Variants in CPLANE1 observed in about 807,000 individuals in gnomAD.
CPLANE1 encodes the protein ciliogenesis and planar polarity effector complex subunit 1.
CPLANE1 carries 263 observed loss-of-function variants against 362.5 expected under a neutral mutation model. That is an observed-to-expected ratio of 0.73 (90% CI 0.66 to 0.80). The LOEUF (loss-of-function observed/expected upper bound fraction) is 0.80, where lower values mean the gene tolerates loss of function less well. CPLANE1 is among the 30% of genes least tolerant of loss of function. CPLANE1 has a pLI of 0.00. For synonymous variants in CPLANE1, 1,212 were observed against 1,302.6 expected (o/e 0.93, Z 1.50); for missense variants, 3,461 against 3,793.4 (o/e 0.91, Z 2.30).
intron 12 of CPLANE1, 88 bp from the exon 13 acceptor site, chr5:37,224,828 TG>T: frequency 2.5e-6 from 2 of 785,712 alleles, no homozygotes; most frequent in Non-Finnish European, 4.1e-6. Flanking sequence ...TTTTTTTGCC[TG>T]TATTCTTCAT....
At position 37,195,864 on chromosome 5, in the gene CPLANE1, C is replaced by G. The variant is rs775914551; in HGVS notation, c.3805G>C (p.Ala1269Pro). 1.9e-6 allele frequency: 3 copies of G among 1,608,996 alleles called. No homozygotes were observed. Among genetic ancestry groups the G allele is most frequent in the Non-Finnish European group, 2.5e-6 (3 of 1,178,478 alleles). ...DHKLDEVSIRAIGCFRELCAL... is the reference protein window; with the variant it reads ...DHKLDEVSIRPIGCFRELCAL... ...CAGTTCATTTTGGACAAACCTATTGCTCTAATGGAAACTTCATCAAGCTTG... is the reference window on the plus strand; with the variant it reads ...CAGTTCATTTTGGACAAACCTATTGGTCTAATGGAAACTTCATCAAGCTTG... Residue 1269 changes from alanine to proline, a missense_variant, in exon 21 of 53, where the codon GCA becomes CCA. Physicochemically the swap from Ala to Pro is conservative, Grantham distance 27. Around this residue, in one of 2 missense-constraint regions of CPLANE1, gnomAD observed 3,380 missense variants for 3,666.1 expected, o/e 0.92. Coordinates refer to ENST00000651892, the MANE Select transcript of CPLANE1 (RefSeq NM_001384732.1).
chr5:37,183,719 T>C lies in CPLANE1; in HGVS notation c.4482-20A>G. The C allele has an allele frequency of 1.4e-6, 2 of 1,479,724 alleles. No homozygotes were observed. The highest frequency in any genetic ancestry group is 1.8e-6 in the Non-Finnish European group (2 of 1,098,986). The allele number at this position is 1,479,724 out of a possible 1,614,324, so 91.7% of individuals were successfully genotyped here. On this transcript the variant is annotated intron_variant, in intron 25 of 52. Coordinates refer to ENST00000651892, the MANE Select transcript of CPLANE1 (RefSeq NM_001384732.1). ...GCATTTCTATAGCAAAAAAATAAAATAAGACAAAATTAGAGATCATTTAAT... is the reference window on the plus strand; with the variant it reads ...GCATTTCTATAGCAAAAAAATAAAACAAGACAAAATTAGAGATCATTTAAT...
At chr5:37,129,396 T>C (rs6897283) in intron 46 of CPLANE1, among the ~76,000 whole-genome samples, 27,947 of 151,964 alleles carry the variant, frequency 0.18, 3,518 homozygotes, top group African/African-American at 0.35. Flanking sequence ...AAAACAATGA[T>C]AAATAGGTGG....
chr5:37,085,958 G>A, the CPLANE1 span: 1 of 608,916 alleles, frequency 1.6e-6, no homozygotes, highest in South Asian at 2.1e-5. Context: ...GGACAAAGAG[G>A]GACATTATAT....
rs574092135 is a variant in CPLANE1, at chr5:37,209,405, G to A, written c.2921-2980C>T. On this transcript the variant is annotated intron_variant, in intron 16 of 52. Coordinates refer to ENST00000651892, the MANE Select transcript of CPLANE1 (RefSeq NM_001384732.1). This position sits in a 1 kb window ranked among gnomAD's most constrained non-coding sequence, Gnocchi z 4.6. The stretch of plus-strand genomic sequence containing the variant: ...ACATGCTCCCCGTGGCTGATGTGTT[G>A]AGTCAAAATGAACTGCGCAAAAAGC... 1 of 1,253,004 alleles carries A rather than the reference G, an allele frequency of 8.0e-7. No homozygotes were observed. Among genetic ancestry groups the A allele is most frequent in the Non-Finnish European group, 1.2e-6 (1 of 853,324 alleles). The allele number at this position is 1,253,004 out of a possible 1,614,324, so 77.6% of individuals were successfully genotyped here.
chr5:37,180,014 G>A lies in CPLANE1; in HGVS notation c.5737+3C>T. ...AAAAAATAGATTATCTAAATGAACT[G>A]ACCTTCATAGTCTGATATGTGCATA... On this transcript the variant is annotated splice_donor_region_variant and intron_variant, in intron 28 of 52. Coordinates refer to ENST00000651892, the MANE Select transcript of CPLANE1 (RefSeq NM_001384732.1). The A allele has an allele frequency of 6.5e-7, 1 of 1,528,852 alleles. No individual in the cohort carries two copies. Among genetic ancestry groups the A allele is most frequent in the Non-Finnish European group, 8.8e-7 (1 of 1,142,262 alleles). 94.7% of individuals were successfully genotyped at this position (1,528,852 alleles called of 1,614,324 possible).
rs754135214 is a variant in CPLANE1 at position 37,183,150 on chromosome 5, T to C, written c.5031A>G (p.Leu1677=). ...AAATTGACCTTTGTTTTAAACCAAA[T>C]AATCCACTCATTCCTTCATTCTTAT... is the stretch of plus-strand genomic sequence containing the variant. ...EVNKNEGMSG[L]FGLKQRSIYK... The change falls in exon 26 of 53, where the codon TTA becomes TTG. Residue 1677 remains leucine, a synonymous_variant. Coordinates refer to ENST00000651892, the MANE Select transcript of CPLANE1 (RefSeq NM_001384732.1). 13 of 1,612,848 alleles carry C rather than the reference T, an allele frequency of 8.1e-6. No homozygotes were observed. In the South Asian group the frequency reaches 9.9e-5, roughly 12 times the overall value.
At chr5:37,138,537 A>G (rs773170246) in intron 46 of CPLANE1, 183 bp downstream of exon 46, 7 of 732,328 alleles carry the variant, frequency 9.6e-6, no homozygotes, top group Non-Finnish European at 2.5e-6. Context: ...GGATACAGTT[A>G]TATACTATAT....
At chr5:37,097,417 A>G in the CPLANE1 span, among the ~76,000 whole-genome samples, 11 of 152,180 alleles carry the variant, frequency 7.2e-5, no homozygotes, top group Admixed American at 5.9e-4. Context: ...AGTGCTCCAG[A>G]AGGTGAAGAG....
At chr5:37,187,331 C>A in intron 23 of CPLANE1, 83 bp downstream of exon 23, 1 of 1,164,036 alleles carries the variant, frequency 8.6e-7, no homozygotes, top group Admixed American at 2.5e-5. Flanking sequence ...AGAAAGGCAA[C>A]ATCATCCTTA....
At chr5:37,155,673 C>T (rs1028094818) in intron 41 of CPLANE1, among the ~76,000 whole-genome samples, 7 of 152,210 alleles carry the variant, frequency 4.6e-5, no homozygotes, top group South Asian at 2.1e-4. Context: ...CCACACCCAG[C>T]CAAACTTTAA....
At position 37,167,080 on chromosome 5, in the gene CPLANE1, G is replaced by A. The variant is rs146595129; in HGVS notation, c.7367C>T (p.Pro2456Leu). 369 of 1,612,272 alleles carry A rather than the reference G, an allele frequency of 2.3e-4. 3 individuals are homozygous for A. In the Middle Eastern group the frequency reaches 6.8e-3, roughly 30 times the overall value. Residue 2456 changes from proline (P) to leucine (L), a missense_variant, in exon 35 of 53, where the codon CCT becomes CTT. By Grantham distance (98) the Pro-to-Leu change is moderately conservative (BLOSUM62 -3). Transcript: ENST00000651892. ...ACTGTCCTTTCCTTGTCTTACTTCA[G>A]GTGGTTCTATTTTGACCTTTAGAAG... is the stretch of plus-strand genomic sequence containing the variant. ...LQLLKVKIEP[P>L]EVRQGKDSKK...
intron 35 of CPLANE1, among the ~76,000 whole-genome samples, chr5:37,166,792 C>A (rs938279324): frequency 6.6e-6 from 1 of 152,106 alleles, no homozygotes; most frequent in Non-Finnish European, 1.5e-5. Flanking sequence ...ATTACCGACA[C>A]TGTAAAAGAA....
intron 16 of CPLANE1, chr5:37,212,216 TC>T (rs1479699778): frequency 2.7e-5 from 39 of 1,430,612 alleles, no homozygotes; most frequent in Non-Finnish European, 3.5e-5. Context: ...ACAGTGAAAA[TC>T]CTTTAGAGAA....
At chr5:37,087,715 A>C in the CPLANE1 span, among the ~76,000 whole-genome samples, 8 of 152,174 alleles carry the variant, frequency 5.3e-5, no homozygotes, top group African/African-American at 1.9e-4. Flanking sequence ...CTCAGCCTCC[A>C]AAAGTGCTGG....
chr5:37,147,912 A>T (rs1418880986), intron 43 of CPLANE1, among the ~76,000 whole-genome samples: 1 of 136,710 alleles, frequency 7.3e-6, no homozygotes, highest in Non-Finnish European at 1.5e-5. Flanking sequence ...ACAAAAACTG[A>T]GCTCCAGGCC....
intron 43 of CPLANE1, among the ~76,000 whole-genome samples, chr5:37,143,450 G>T (rs984184474): frequency 6.6e-6 from 1 of 152,122 alleles, no homozygotes; most frequent in African/African-American, 2.4e-5. Flanking sequence ...CCAAAGAGCA[G>T]ATAGATTTGA....
chr5:37,146,008 T>C (rs1161552408), intron 43 of CPLANE1, among the ~76,000 whole-genome samples: 3 of 152,156 alleles, frequency 2.0e-5, no homozygotes, highest in Admixed American at 6.5e-5. Flanking sequence ...AGAGACTCAA[T>C]TAGCAAAACT....
chr5:37,144,571 G>T (rs1770911071), intron 43 of CPLANE1, among the ~76,000 whole-genome samples: 2 of 151,836 alleles, frequency 1.3e-5, no homozygotes, highest in Admixed American at 1.3e-4. Context: ...GAAATTTTAG[G>T]CCGGGCACGG....
Sources: gnomAD v4.1 joint callset for allele counts (sites outside exome capture counted in the v4.1 genomes callset) on GRCh38, gnomAD v4.1.1 for gene constraint, gnomAD v4.1.1 regional missense constraint, Gnocchi (gnomAD v3.1) non-coding constraint, MANE v1.5 for transcripts, NCBI Gene and HGNC (gene_info 2026-07-23, HGNC 2026-07-21) for gene names.